Variants in CRB1 observed in about 807,000 individuals in gnomAD.
CRB1 encodes protein crumbs homolog 1.
A neutral mutation model predicts 120.0 loss-of-function variants in CRB1; 83 were observed. The ratio of observed to expected loss-of-function variants is 0.69; its 90% confidence interval spans 0.58 to 0.83. CRB1 has a LOEUF of 0.83. Ranked by LOEUF, CRB1 falls within the 40% of genes least tolerant of loss-of-function variation. The pLI is 0.00. For synonymous variants in CRB1, 625 were observed against 612.5 expected, an observed-to-expected ratio of 1.02 and a Z score of -0.30; for missense variants, 1,699 against 1,687.6, an observed-to-expected ratio of 1.01 and a Z score of -0.12.
At chr1:197,258,695 C>T in the CRB1 span, among the ~76,000 whole-genome samples, 1 of 152,192 alleles carries the variant, frequency 6.6e-6, no homozygotes. Flanking sequence ...TGCTGACCCT[C>T]TCCTTTTCTT....
Position 197,373,480 on chromosome 1 carries a change from A to C in CRB1, c.1171+16467A>C, listed in dbSNP as rs1017869293. On this transcript the variant is annotated intron_variant, in intron 5 of 11. Transcript: ENST00000367400. ...GGAAGAAAATACACTTCAGGTTCATAAATGGTCAAGGCATAATCATGAATT... is the reference window on the plus strand; with the variant it reads ...GGAAGAAAATACACTTCAGGTTCATCAATGGTCAAGGCATAATCATGAATT... 2.2e-4 allele frequency among the ~76,000 whole-genome samples: 33 copies of C among 152,208 alleles called. 1 individual carries two copies. Among genetic ancestry groups the C allele is most frequent in the Non-Finnish European group, 1.5e-5 (1 of 68,032 alleles).
At chr1:197,406,383 T>TC (rs1663395464) in intron 5 of CRB1, among the ~76,000 whole-genome samples, 1 of 152,096 alleles carries the variant, frequency 6.6e-6, no homozygotes, top group Non-Finnish European at 1.5e-5. Flanking sequence ...GGCAGCATGC[T>TC]CGTTAAGAGT....
At chr1:197,460,700 C>T (rs1666491728) in intron 11 of CRB1, among the ~76,000 whole-genome samples, 1 of 152,050 alleles carries the variant, frequency 6.6e-6, no homozygotes, top group Non-Finnish European at 1.5e-5. Context: ...TTTTTTTCTC[C>T]AGTGTATAAT....
intron 1 of CRB1, among the ~76,000 whole-genome samples, chr1:197,308,369 C>T (rs964928893): frequency 3.3e-5 from 5 of 152,152 alleles, no homozygotes; most frequent in Admixed American, 6.5e-5. Flanking sequence ...CTCAGCATCA[C>T]GGAATATTCC....
At position 197,281,281 on chromosome 1, in the gene CRB1, T is replaced by C. The variant is rs113343554; in HGVS notation, c.70+12799T>C. Among the ~76,000 whole-genome samples, 472 of 151,916 alleles carry C rather than the reference T, an allele frequency of 3.1e-3. 1 individual carries two copies. The highest frequency in any genetic ancestry group is 0.011 in the African/African-American group (451 of 41,502). Reference sequence around the variant, plus strand: ...GGGTGTAGGGGCAGTGTCTGCATAATTAAAGGCTTTAAATGCTATAATGAA... The same window carrying C: ...GGGTGTAGGGGCAGTGTCTGCATAACTAAAGGCTTTAAATGCTATAATGAA... On this transcript the variant is annotated intron_variant, in intron 1 of 11. Transcript: ENST00000367400.
intron 1 of CRB1, among the ~76,000 whole-genome samples, chr1:197,310,278 C>T (rs903387951): frequency 3.9e-5 from 6 of 152,128 alleles, no homozygotes; most frequent in African/African-American, 1.2e-4. Context: ...TGGCAATTTT[C>T]GGAATAGAAA....
intron 1 of CRB1, among the ~76,000 whole-genome samples, chr1:197,269,143 C>G (rs1348388219): frequency 6.6e-6 from 1 of 152,196 alleles, no homozygotes; most frequent in African/African-American, 2.4e-5. Flanking sequence ...CAAATTGCCC[C>G]AGCTGTGTGT....
Position 197,328,636 on chromosome 1 carries a change from G to C in CRB1, c.285G>C (p.Leu95=), listed in dbSNP as rs753898127. The C allele has an allele frequency of 2.5e-6, 4 of 1,614,228 alleles. No individual in the cohort carries two copies. Among genetic ancestry groups the C allele is most frequent in the African/African-American group, 1.3e-5 (1 of 75,056 alleles). ...ACACCCCAGGAGAAAGGAGCTTTCT[G>C]TGCAAATGTCCTCCTGGGTACAGTG... ...CVNTPGERSF[L]CKCPPGYSGT... is the part of the protein sequence containing the mutation. Residue 95 remains leucine (L), a synonymous_variant, in exon 2 of 12, where the codon CTG becomes CTC. Transcript: ENST00000367400.
intron 11 of CRB1, among the ~76,000 whole-genome samples, chr1:197,469,145 G>T (rs542955999): frequency 1.3e-5 from 2 of 152,236 alleles, no homozygotes; most frequent in East Asian, 1.9e-4. Context: ...GCTTGAGCCC[G>T]GGAGGTCAAG....
rs537998728 is a variant in CRB1 at position 197,341,249 on chromosome 1, G to A, written c.653-3032G>A. ...AAGAAGACATTCTAGACGGTATCAG[G>A]AGGATGATCTGGGCCAGACGCAGTG... On this transcript the variant is annotated intron_variant, in intron 2 of 11. Coordinates refer to ENST00000367400, the MANE Select transcript of CRB1 (RefSeq NM_201253.3). Among the ~76,000 whole-genome samples, 14 of 152,260 alleles carry A rather than the reference G, an allele frequency of 9.2e-5. 1 individual carries two copies. The East Asian group carries it at 2.7e-3, about 29-fold the overall frequency.
chr1:197,454,316 AAAAT>A, intron 11 of CRB1, among the ~76,000 whole-genome samples: 1 of 152,130 alleles, frequency 6.6e-6, no homozygotes, highest in Non-Finnish European at 1.5e-5. Flanking sequence ...AAATGGAGGA[AAAAT>A]AAATAAAATA....
chr1:197,434,084 G>C (rs1238836997), intron 8 of CRB1, among the ~76,000 whole-genome samples: 3 of 152,152 alleles, frequency 2.0e-5, no homozygotes, highest in African/African-American at 7.2e-5. Context: ...TATAGCATGA[G>C]AGCAATTGAT....
chr1:197,255,728 T>C, the CRB1 span, among the ~76,000 whole-genome samples: 2 of 151,808 alleles, frequency 1.3e-5, no homozygotes, highest in African/African-American at 4.8e-5. Context: ...TACCAACACC[T>C]GAAGTGTTGG....
In CRB1 at chr1:197,395,750, G is replaced by A. The variant is rs116265930; in HGVS notation, c.1172-25250G>A. Among the ~76,000 whole-genome samples, 338 of 152,190 alleles carry A rather than the reference G, an allele frequency of 2.2e-3. 2 individuals are homozygous for A. The highest frequency in any genetic ancestry group is 7.8e-3 in the African/African-American group (324 of 41,538). On this transcript the variant is annotated intron_variant, in intron 5 of 11. Coordinates refer to ENST00000367400, the MANE Select transcript of CRB1 (RefSeq NM_201253.3). ...TGATAAAACAAAGAAGGAAATCTAT[G>A]TGATCATCTCCATAGATACAGAAAA...
the CRB1 span, among the ~76,000 whole-genome samples, chr1:197,240,206 C>G: frequency 1.1e-3 from 169 of 151,858 alleles, no homozygotes; most frequent in Non-Finnish European, 2.1e-3. Flanking sequence ...TTATAGTTTC[C>G]TTTGTGTTTA....
chr1:197,328,986 G>A lies in CRB1; in HGVS notation c.635G>A (p.Cys212Tyr), dbSNP rs1658699227. 3 of 1,612,626 alleles carry A rather than the reference G, an allele frequency of 1.9e-6. No individual in the cohort carries two copies. The highest frequency in any genetic ancestry group is 2.5e-6 in the Non-Finnish European group (3 of 1,179,682). ...LNEIGRYTCI[C>Y]PHNYSGVNCE... is the part of the protein sequence containing the mutation. ...GAAATAGGAAGATATACTTGTATCT[G>A]TCCCCACAATTATTCTGGTAAGTGT... Residue 212 changes from cysteine to tyrosine, a missense_variant, in exon 2 of 12, where the codon TGT becomes TAT. Coordinates refer to ENST00000367400, the MANE Select transcript of CRB1 (RefSeq NM_201253.3).
chr1:197,442,260 G>T lies in CRB1; in HGVS notation c.3973G>T (p.Val1325Phe). ...LLNKFQCLCDVAFAGERCEVD... is the reference protein window; with the variant it reads ...LLNKFQCLCDFAFAGERCEVD... ...CAACAAATTCCAGTGCCTCTGTGAT[G>T]TTGCCTTTGCTGGCGAGCGCTGCGA... The change falls in exon 11 of 12, where the codon GTT becomes TTT. Residue 1325 changes from valine to phenylalanine, a missense_variant. Physicochemically the swap from Val to Phe is conservative, Grantham distance 50. Coordinates refer to ENST00000367400, the MANE Select transcript of CRB1 (RefSeq NM_201253.3). 1.9e-6 allele frequency: 3 copies of T among 1,614,172 alleles called. No homozygotes were observed. Among genetic ancestry groups the T allele is most frequent in the Non-Finnish European group, 2.5e-6 (3 of 1,180,032 alleles).
At chr1:197,338,511 T>C (rs1659279297) in intron 2 of CRB1, among the ~76,000 whole-genome samples, 1 of 152,214 alleles carries the variant, frequency 6.6e-6, no homozygotes, top group Non-Finnish European at 1.5e-5. Context: ...ATTCTTTCTC[T>C]TCCTAGAATT....
chr1:197,414,291 T>G (rs1411893369), intron 5 of CRB1, among the ~76,000 whole-genome samples: 2 of 152,142 alleles, frequency 1.3e-5, no homozygotes, highest in African/African-American at 4.8e-5. Context: ...TATATATATA[T>G]CTAGGGTAAA....
Sources: gnomAD v4.1 joint callset for allele counts (sites outside exome capture counted in the v4.1 genomes callset) on GRCh38, gnomAD v4.1.1 for gene constraint, MANE v1.5 for transcripts, NCBI Gene and HGNC (gene_info 2026-07-23, HGNC 2026-07-21) for gene names.